The following NAALADL2 variants were observed in gnomAD, a reference collection of about 807,000 sequenced individuals.
NAALADL2 encodes the protein N-acetylated alpha-linked acidic dipeptidase like 2.
A neutral mutation model predicts 87.2 loss-of-function variants in NAALADL2; 76 were observed. That is an observed-to-expected ratio of 0.87 (90% CI 0.72 to 1.05). NAALADL2 has a LOEUF of 1.05. Among genes scored for constraint, NAALADL2 ranks in the 50% least tolerant of loss-of-function variants. NAALADL2 has a pLI of 0.00. For missense variants in NAALADL2, 1,089 were observed against 945.8 expected (o/e 1.15, Z -1.99); for synonymous variants, 354 against 331.0 (o/e 1.07, Z -0.75).
At chr3:175,037,670 A>G (rs1753576474) in intron 1 of NAALADL2, among the ~76,000 whole-genome samples, 1 of 152,108 alleles carries the variant, frequency 6.6e-6, no homozygotes, top group South Asian at 2.1e-4. Flanking sequence ...TCTCTGTCTA[A>G]ATGGCCTCAT....
chr3:174,970,998 A>T (rs1459770762), intron 1 of NAALADL2, among the ~76,000 whole-genome samples: 1 of 152,150 alleles, frequency 6.6e-6, no homozygotes, highest in African/African-American at 2.4e-5. Flanking sequence ...ATGGCTGGGG[A>T]GGGCTTAGAA....
chr3:174,772,019 A>G (rs897056911), intron 3 of NAALADL2, among the ~76,000 whole-genome samples: 2 of 152,152 alleles, frequency 1.3e-5, no homozygotes, highest in Admixed American at 6.5e-5. Flanking sequence ...TTTTGTCCCT[A>G]AAAAGCTTAT....
intron 4 of NAALADL2, among the ~76,000 whole-genome samples, chr3:175,269,652 G>T (rs1402304472): frequency 1.3e-5 from 2 of 152,218 alleles, no homozygotes; most frequent in African/African-American, 4.8e-5. Context: ...GTATAAGTAG[G>T]ATGGTCACTG....
In NAALADL2 at chr3:174,871,776, G is replaced by A. The variant is rs182234995; in HGVS notation, c.43+12326G>A. On this transcript the variant is annotated intron_variant, in intron 1 of 13. Transcript: ENST00000454872. Reference sequence around the variant, plus strand: ...TAGCTGGGCGTGGTGGTGCATGCCTGTAGTCCCAGCTACTTGGGAGGCTGA... The same window carrying A: ...TAGCTGGGCGTGGTGGTGCATGCCTATAGTCCCAGCTACTTGGGAGGCTGA... Among the ~76,000 whole-genome samples, 534 of 152,240 alleles carry A rather than the reference G, an allele frequency of 3.5e-3. 10 individuals carry two copies. The highest frequency in any genetic ancestry group is 1.5e-3 in the Non-Finnish European group (100 of 68,030).
chr3:175,103,412 T>G (rs1722567392), intron 2 of NAALADL2, among the ~76,000 whole-genome samples: 1 of 152,180 alleles, frequency 6.6e-6, no homozygotes, highest in Non-Finnish European at 1.5e-5. Context: ...GTAGTACTAA[T>G]TAAACTTTAC....
At chr3:175,194,118 A>G (rs994319626) in intron 2 of NAALADL2, among the ~76,000 whole-genome samples, 1 of 151,836 alleles carries the variant, frequency 6.6e-6, no homozygotes, top group Non-Finnish European at 1.5e-5. Context: ...CTTAAAATTT[A>G]ATACCTCATG....
At position 174,458,270 on chromosome 3, in the gene NAALADL2, A is replaced by C. The variant is rs141224641; in HGVS notation, c.-184+17238A>C. ...ACATTGAGTGTCTCTGGAGTTAGTC[A>C]AGTCTGTGTTTAAATGGCAGTTTTC... On this transcript the variant is annotated intron_variant, in intron 1 of 3. Transcript: ENST00000434257. Among the ~76,000 whole-genome samples the C allele has an allele frequency of 2.4e-3, 372 of 152,288 alleles. 3 individuals carry two copies. Among genetic ancestry groups the C allele is most frequent in the African/African-American group, 8.4e-3 (351 of 41,562 alleles).
chr3:174,614,397 G>C (rs1305242926), intron 2 of NAALADL2, among the ~76,000 whole-genome samples: 1 of 152,186 alleles, frequency 6.6e-6, no homozygotes, highest in Non-Finnish European at 1.5e-5. Flanking sequence ...TCCCACCTGG[G>C]TAGGGCTGGT....
chr3:175,258,464 A>C (rs1178735993), intron 4 of NAALADL2, among the ~76,000 whole-genome samples: 5 of 151,512 alleles, frequency 3.3e-5, no homozygotes, highest in African/African-American at 1.2e-4. Flanking sequence ...ATAGATAGAG[A>C]GATAATTAAG....
chr3:174,979,366 C>A (rs1446716725), intron 1 of NAALADL2, among the ~76,000 whole-genome samples: 2 of 133,176 alleles, frequency 1.5e-5, no homozygotes, highest in Non-Finnish European at 3.0e-5. Flanking sequence ...AGTGCAGTGG[C>A]ACAGTCTCGG....
intron 9 of NAALADL2, among the ~76,000 whole-genome samples, chr3:175,506,298 C>A (rs1411313619): frequency 6.6e-6 from 1 of 152,156 alleles, no homozygotes; most frequent in African/African-American, 2.4e-5. Context: ...ATGCATCATC[C>A]CTGAACGTTT....
At chr3:174,788,460 G>A (rs992669156) in intron 3 of NAALADL2, among the ~76,000 whole-genome samples, 3 of 152,160 alleles carry the variant, frequency 2.0e-5, no homozygotes, top group African/African-American at 7.2e-5. Context: ...GGGTCAACCA[G>A]TTTGGTTTCT....
intron 1 of NAALADL2, among the ~76,000 whole-genome samples, chr3:174,928,364 C>G (rs1033033176): frequency 6.6e-6 from 1 of 152,132 alleles, no homozygotes; most frequent in African/African-American, 2.4e-5. Context: ...CTCATCCTCT[C>G]GAGTACCTGG....
At chr3:175,027,286 C>G (rs919336935) in intron 1 of NAALADL2, among the ~76,000 whole-genome samples, 3 of 152,020 alleles carry the variant, frequency 2.0e-5, no homozygotes, top group Non-Finnish European at 2.9e-5. Flanking sequence ...ACACCAGTAA[C>G]TTCTTAAATG....
chr3:174,479,021 T>C (rs1667844891), intron 1 of NAALADL2, among the ~76,000 whole-genome samples: 1 of 152,242 alleles, frequency 6.6e-6, no homozygotes, highest in African/African-American at 2.4e-5. Flanking sequence ...AAATTCTTTA[T>C]GTACTGCGTT....
intron 2 of NAALADL2, among the ~76,000 whole-genome samples, chr3:175,206,955 A>G (rs1741028642): frequency 1.3e-5 from 2 of 152,300 alleles, no homozygotes; most frequent in Middle Eastern, 3.4e-3. Context: ...AAGAGAAAGC[A>G]GTGCATGCGA....
intron 3 of NAALADL2, among the ~76,000 whole-genome samples, chr3:174,818,190 T>A (rs894069298): frequency 7.2e-5 from 11 of 152,152 alleles, no homozygotes; most frequent in African/African-American, 2.7e-4. Context: ...AAAAATCACT[T>A]TGATTGATTT....
At chr3:174,632,995 A>G (rs1722291719) in intron 2 of NAALADL2, among the ~76,000 whole-genome samples, 1 of 151,498 alleles carries the variant, frequency 6.6e-6, no homozygotes, top group South Asian at 2.1e-4. Context: ...GGCTCAAAGT[A>G]CAGTAAGTGC....
chr3:174,441,175 T>TGCGCGGGGCCCGGG (rs1553766579), intron 1 of NAALADL2: 1 of 152,114 alleles, frequency 6.6e-6, no homozygotes, highest in Non-Finnish European at 1.5e-5. Flanking sequence ...GCCGCACCCC[T>TGCGCGGGGCCCGGG]GCGCGGGGCC....
Sources: allele counts gnomAD v4.1 joint callset (sites outside exome capture counted in the v4.1 genomes callset), GRCh38; gene constraint gnomAD v4.1.1; transcripts MANE v1.5; gene names NCBI Gene and HGNC (gene_info 2026-07-23, HGNC 2026-07-21).